Variants in ASXL2 observed in about 807,000 individuals in gnomAD.
The protein encoded by ASXL2 is ASXL transcriptional regulator 2, also known as putative Polycomb group protein ASXL2.
In ASXL2, 23 loss-of-function variants were observed where a neutral mutation model predicts 122.0. The ratio of observed to expected loss-of-function variants is 0.19; its 90% CI spans 0.14 to 0.27. The LOEUF (loss-of-function observed/expected upper bound fraction) is 0.27, where lower values mean the gene tolerates loss of function less well. Ranked by LOEUF, ASXL2 falls within the 10% of genes least tolerant of loss-of-function variation. The pLI is 1.00. For missense variants in ASXL2, 1,518 were observed against 1,713.8 expected, an observed-to-expected ratio of 0.89 and a Z score of 2.02; for synonymous variants, 650 against 637.0, an observed-to-expected ratio of 1.02 and a Z score of -0.31.
chr2:25,775,498 A>T (rs2088532307), intron 5 of ASXL2, among the ~76,000 whole-genome samples: 1 of 152,156 alleles, frequency 6.6e-6, no homozygotes, highest in Admixed American at 6.5e-5. Flanking sequence ...TTGTTGAAGT[A>T]GGAAGGTGAC....
intron 12 of ASXL2, among the ~76,000 whole-genome samples, chr2:25,746,194 T>C (rs1360729755): frequency 6.6e-6 from 1 of 152,164 alleles, no homozygotes; most frequent in Non-Finnish European, 1.5e-5. Flanking sequence ...AAATTAAGAA[T>C]AATAAAGTCA....
At chr2:25,751,575 A>G (rs1259622418) in intron 11 of ASXL2, among the ~76,000 whole-genome samples, 1 of 151,898 alleles carries the variant, frequency 6.6e-6, no homozygotes, top group Non-Finnish European at 1.5e-5. Context: ...TTAAGGCTAC[A>G]GTGAACCGTG....
In ASXL2 at chr2:25,741,217, T is replaced by C. The variant is rs1288500005; in HGVS notation, c.*812A>G. 3.1e-5 allele frequency: 7 copies of C among 225,680 alleles called. No homozygotes were observed. Among genetic ancestry groups the C allele is most frequent in the East Asian group, 2.6e-4 (4 of 15,620 alleles). The allele number at this position is 225,680 out of a possible 1,614,324, so 14.0% of individuals were successfully genotyped here. On this transcript the variant is annotated 3_prime_UTR_variant, in exon 13 of 13. Coordinates refer to ENST00000435504, the MANE Select transcript of ASXL2 (RefSeq NM_018263.6). ...CGGGGATAGGGTATTTTTGCTGGAA[T>C]TGTTGCACTGCACAGCCTGTAACAA...
intron 5 of ASXL2, among the ~76,000 whole-genome samples, chr2:25,785,086 T>C (rs1340244021): frequency 1.3e-5 from 2 of 152,234 alleles, no homozygotes; most frequent in Admixed American, 6.5e-5. Context: ...TTCCCATTCA[T>C]GTAGGTGAAT....
intron 1 of ASXL2, among the ~76,000 whole-genome samples, chr2:25,863,360 G>A (rs933374657): frequency 9.5e-5 from 14 of 147,778 alleles, no homozygotes; most frequent in African/African-American, 3.5e-4. Context: ...ACAGCAGGAA[G>A]TAATTAACTT....
At chr2:25,806,392 G>T in intron 3 of ASXL2, 55 bp from the exon 4 acceptor site, 1 of 1,210,966 alleles carries the variant, frequency 8.3e-7, no homozygotes, top group South Asian at 1.3e-5. Context: ...TTCTGTCTCT[G>T]AATATCCTAT....
intron 8 of ASXL2, among the ~76,000 whole-genome samples, chr2:25,761,827 G>A (rs1559503632): frequency 6.6e-6 from 1 of 151,952 alleles, no homozygotes; most frequent in Non-Finnish European, 1.5e-5. Context: ...AAATGAACAG[G>A]AAAGGACATT....
At chr2:25,782,162 T>C (rs2088653572) in intron 5 of ASXL2, among the ~76,000 whole-genome samples, 1 of 151,984 alleles carries the variant, frequency 6.6e-6, no homozygotes. Context: ...AATCGTATCA[T>C]CTGAAAAAAC....
intron 5 of ASXL2, among the ~76,000 whole-genome samples, chr2:25,787,120 A>G (rs1284170869): frequency 2.0e-5 from 3 of 152,234 alleles, no homozygotes; most frequent in Non-Finnish European, 4.4e-5. Context: ...CAATATTCAG[A>G]GAGGAAATCC....
chr2:25,876,198 T>C (rs538767275), intron 1 of ASXL2, among the ~76,000 whole-genome samples: 1 of 152,336 alleles, frequency 6.6e-6, no homozygotes, highest in East Asian at 1.9e-4. Context: ...ACTGGTACCC[T>C]CAGGAACTCT....
At chr2:25,807,003 T>C (rs1310015718) in intron 3 of ASXL2, among the ~76,000 whole-genome samples, 1 of 152,176 alleles carries the variant, frequency 6.6e-6, no homozygotes, top group Non-Finnish European at 1.5e-5. Flanking sequence ...CTATAATACT[T>C]GAAGACAATG....
intron 5 of ASXL2, among the ~76,000 whole-genome samples, chr2:25,782,764 T>C (rs535598804): frequency 1.1e-4 from 17 of 152,314 alleles, no homozygotes; most frequent in African/African-American, 3.4e-4. Flanking sequence ...TCAGCAAGCA[T>C]AGAAGTTATG....
intron 3 of ASXL2, among the ~76,000 whole-genome samples, chr2:25,824,476 C>T (rs1164928050): frequency 4.0e-5 from 6 of 150,714 alleles, no homozygotes; most frequent in African/African-American, 1.5e-4. Context: ...CTAGTGTGCA[C>T]GTACACACAC....
intron 4 of ASXL2, among the ~76,000 whole-genome samples, chr2:25,803,163 A>G (rs2089025560): frequency 6.6e-6 from 1 of 150,422 alleles, no homozygotes; most frequent in African/African-American, 2.5e-5. Context: ...GAATGAATGA[A>G]TGAATGATTT....
chr2:25,822,366 G>C (rs1446841246), intron 3 of ASXL2: 3 of 185,520 alleles, frequency 1.6e-5, no homozygotes, highest in African/African-American at 7.1e-5. Context: ...GGCCGCGACC[G>C]GGAGAAAACG....
chr2:25,737,054 C>G lies in ASXL2; in HGVS notation c.*4975G>C, dbSNP rs1257531409. On this transcript the variant is annotated 3_prime_UTR_variant, in exon 13 of 13. Transcript: ENST00000435504. The stretch of plus-strand genomic sequence containing the variant: ...CATTTCCATAGCTACCCTTCCTGAC[C>G]CAGAGGAGTTCAAAATTCAAGTGTC... 6.6e-6 allele frequency: 1 copy of G among 151,982 alleles called. No individual in the cohort carries two copies. Among genetic ancestry groups the G allele is most frequent in the Non-Finnish European group, 1.5e-5 (1 of 67,992 alleles). The allele number at this position is 151,982 out of a possible 1,614,324, so 9.4% of individuals were successfully genotyped here.
intron 5 of ASXL2, among the ~76,000 whole-genome samples, chr2:25,795,487 C>T (rs1195676681): frequency 6.6e-6 from 1 of 152,152 alleles, no homozygotes; most frequent in Admixed American, 6.5e-5. Flanking sequence ...TTCTTAGAGA[C>T]AGCCATTAAT....
chr2:25,775,049 T>C (rs915385913), intron 5 of ASXL2, among the ~76,000 whole-genome samples: 3 of 152,210 alleles, frequency 2.0e-5, no homozygotes, highest in Non-Finnish European at 4.4e-5. Context: ...GTGGTAGTTT[T>C]TTATGTATGC....
At chr2:25,775,534 C>T (rs557462906) in intron 5 of ASXL2, among the ~76,000 whole-genome samples, 1 of 152,136 alleles carries the variant, frequency 6.6e-6, no homozygotes, top group Admixed American at 6.6e-5. Flanking sequence ...GCTTCCCCCA[C>T]GTTGTTCTCG....
Sources: allele counts gnomAD v4.1 joint callset (sites outside exome capture counted in the v4.1 genomes callset), GRCh38; gene constraint gnomAD v4.1.1; transcripts MANE v1.5; gene names NCBI Gene and HGNC (gene_info 2026-07-23, HGNC 2026-07-21).